The following ZNF595 variants were observed in gnomAD, a reference collection of about 807,000 sequenced individuals.
ZNF595 encodes zinc finger protein 595.
A neutral mutation model predicts 19.4 loss-of-function variants in ZNF595; 9 were observed. That is an observed-to-expected ratio of 0.46 (90% CI 0.28 to 0.81). The LOEUF (loss-of-function observed/expected upper bound fraction) is 0.81. ZNF595 is among the 30% of genes least tolerant of loss of function. The pLI, the probability that ZNF595 is intolerant of heterozygous loss-of-function variation, is 0.11. For missense variants in ZNF595, 729 were observed against 736.0 expected (o/e 0.99, Z 0.11); for synonymous variants, 255 against 255.9 (o/e 1.00, Z 0.03).
chr4:73,837 T>C (rs539142175), intron 3 of ZNF595, among the ~76,000 whole-genome samples: 132 of 152,124 alleles, frequency 8.7e-4, no homozygotes, highest in Non-Finnish European at 1.4e-3. Flanking sequence ...CTCTGAAGTA[T>C]AGATGGGTCC....
At chr4:72,884 A>T (rs1553798074) in intron 3 of ZNF595, among the ~76,000 whole-genome samples, 1 of 152,192 alleles carries the variant, frequency 6.6e-6, no homozygotes, top group Non-Finnish European at 1.5e-5. Context: ...AAAGGATGTA[A>T]TCAGTAGCCC....
intron 3 of ZNF595, among the ~76,000 whole-genome samples, chr4:85,476 T>C (rs1268700748): frequency 6.6e-6 from 1 of 152,212 alleles, no homozygotes; most frequent in Non-Finnish European, 1.5e-5. Context: ...TAACAAACTT[T>C]CCTTCCTGTT....
At chr4:78,159 C>T (rs1281019176) in intron 3 of ZNF595, among the ~76,000 whole-genome samples, 2 of 152,146 alleles carry the variant, frequency 1.3e-5, no homozygotes, top group African/African-American at 2.4e-5. Flanking sequence ...CAGGCGTCCG[C>T]GGCCACGTCC....
intron 3 of ZNF595, among the ~76,000 whole-genome samples, chr4:83,576 C>T (rs1367927498): frequency 2.1e-5 from 3 of 140,952 alleles, no homozygotes; most frequent in Admixed American, 7.5e-5. Context: ...GCCGAGATCA[C>T]GCCACTGCAC....
At chr4:66,846 G>C (rs1300057571) in intron 3 of ZNF595, among the ~76,000 whole-genome samples, 2 of 151,920 alleles carry the variant, frequency 1.3e-5, no homozygotes, top group African/African-American at 4.8e-5. Flanking sequence ...TTTGTTATCT[G>C]TTCTAAAAAC....
intron 3 of ZNF595, among the ~76,000 whole-genome samples, chr4:70,367 T>G (rs1338876662): frequency 5.9e-5 from 9 of 151,860 alleles, no homozygotes; most frequent in Admixed American, 5.9e-4. Context: ...AGACAGAGAC[T>G]TGCTCTGTCA....
intron 3 of ZNF595, among the ~76,000 whole-genome samples, chr4:65,252 C>G (rs1581329766): frequency 6.8e-6 from 1 of 147,326 alleles, no homozygotes; most frequent in Admixed American, 6.8e-5. Flanking sequence ...CCTTTTTGAT[C>G]TTTGGCACCA....
chr4:81,513 T>TA (rs782032847), intron 3 of ZNF595, among the ~76,000 whole-genome samples: 3 of 152,200 alleles, frequency 2.0e-5, no homozygotes, highest in Admixed American at 6.5e-5. Flanking sequence ...AAAACCGTCT[T>TA]ACCACTGTAT....
intron 3 of ZNF595, among the ~76,000 whole-genome samples, chr4:77,135 CTTT>C (rs1192154507): frequency 1.5e-4 from 22 of 145,754 alleles, no homozygotes; most frequent in African/African-American, 5.5e-4. Context: ...CTCTTTCATT[CTTT>C]TTTTTTTTAA....
chr4:76,968 TA>T (rs1487410413), intron 3 of ZNF595, among the ~76,000 whole-genome samples: 1 of 152,188 alleles, frequency 6.6e-6, no homozygotes, highest in Non-Finnish European at 1.5e-5. Flanking sequence ...TTAAGCTTCA[TA>T]AAACTGAATG....
chr4:81,684 A>G (rs1713915545), intron 3 of ZNF595, among the ~76,000 whole-genome samples: 1 of 152,198 alleles, frequency 6.6e-6, no homozygotes, highest in Non-Finnish European at 1.5e-5. Context: ...ACATTAAACA[A>G]CTGACTACCT....
chr4:78,094 C>G (rs763892269), intron 3 of ZNF595, among the ~76,000 whole-genome samples: 3 of 152,140 alleles, frequency 2.0e-5, no homozygotes, highest in Non-Finnish European at 4.4e-5. Flanking sequence ...CTGTAAGCTC[C>G]GCCTTCCTGG....
intron 3 of ZNF595, among the ~76,000 whole-genome samples, chr4:72,655 T>C (rs1553798049): frequency 6.6e-6 from 1 of 152,174 alleles, no homozygotes; most frequent in Non-Finnish European, 1.5e-5. Context: ...AAATGACATT[T>C]GCTGTCTGAA....
chr4:84,792 C>T (rs1364669746), intron 3 of ZNF595, among the ~76,000 whole-genome samples: 1 of 152,020 alleles, frequency 6.6e-6, no homozygotes, highest in Non-Finnish European at 1.5e-5. Flanking sequence ...TATATTTTAA[C>T]GTTTTCATCG....
intron 3 of ZNF595, among the ~76,000 whole-genome samples, chr4:83,619 C>CAAAAAAAAAAAAAAAAAAAAAAAAAA (rs71164492): frequency 5.2e-5 from 2 of 38,594 alleles, no homozygotes; most frequent in Non-Finnish European, 1.4e-4. Context: ...GACTCCGTCT[C>CAAAAAAAAAAAAAAAAAAAAAAAAAA]AAAAAAAAAA....
chr4:65,607 TG>T (rs1713061431), intron 3 of ZNF595, among the ~76,000 whole-genome samples: 1 of 65,494 alleles, frequency 1.5e-5, no homozygotes, highest in South Asian at 7.7e-4. Context: ...TCCCTAGTGT[TG>T]GAGGTGGGCC....
chr4:79,944 T>G lies in ZNF595; in HGVS notation c.227-5787T>G, dbSNP rs542212159. Among the ~76,000 whole-genome samples the G allele has an allele frequency of 8.5e-5, 13 of 152,372 alleles. No individual in the cohort carries two copies. In the East Asian group the frequency reaches 2.5e-3, roughly 29 times the overall value. On this transcript the variant is annotated intron_variant, in intron 3 of 3. Transcript: ENST00000610261. ...TTTTCAGTTTAGAATGTTCACCTTTTTAATTGTTTGCTGCTAGACATCTTT... is the reference window on the plus strand; with the variant it reads ...TTTTCAGTTTAGAATGTTCACCTTTGTAATTGTTTGCTGCTAGACATCTTT...
intron 3 of ZNF595, among the ~76,000 whole-genome samples, chr4:78,591 A>G (rs1023197641): frequency 1.3e-5 from 2 of 152,108 alleles, no homozygotes; most frequent in Admixed American, 1.3e-4. Flanking sequence ...CACCTATTCG[A>G]TTATATGTTC....
chr4:69,562 G>A (rs1387581288), intron 3 of ZNF595, among the ~76,000 whole-genome samples: 4 of 152,044 alleles, frequency 2.6e-5, no homozygotes, highest in East Asian at 3.9e-4. Context: ...GTCTATAAAC[G>A]TTCTTTGCAC....
Sources: allele counts gnomAD v4.1 joint callset (sites outside exome capture counted in the v4.1 genomes callset), GRCh38; gene constraint gnomAD v4.1.1; transcripts MANE v1.5; gene names NCBI Gene and HGNC (gene_info 2026-07-23, HGNC 2026-07-21).